The following POFUT1 variants were observed in gnomAD, a reference collection of about 807,000 sequenced individuals.
POFUT1 encodes the protein GDP-fucose protein O-fucosyltransferase 1.
POFUT1 carries 16 observed loss-of-function variants against 42.4 expected under a neutral mutation model. That is an observed-to-expected ratio of 0.38 (90% CI 0.26 to 0.57). The LOEUF (loss-of-function observed/expected upper bound fraction) is 0.57, where lower values mean the gene tolerates loss of function less well. Among genes scored for constraint, POFUT1 ranks in the 20% least tolerant of loss-of-function variants. The pLI is 0.71. For synonymous variants in POFUT1, 206 were observed against 205.4 expected, an observed-to-expected ratio of 1.00 and a Z score of -0.03; for missense variants, 470 against 504.6, an observed-to-expected ratio of 0.93 and a Z score of 0.66.
At chr20:32,217,716 G>A (rs958598351) in intron 4 of POFUT1, 7 of 985,364 alleles carry the variant, frequency 7.1e-6, no homozygotes, top group Non-Finnish European at 8.4e-6. Context: ...GCCAGCCAGT[G>A]TTGGCTGTCA....
intron 4 of POFUT1, among the ~76,000 whole-genome samples, chr20:32,227,078 C>T (rs1267443909): frequency 1.3e-5 from 2 of 152,126 alleles, no homozygotes; most frequent in Non-Finnish European, 2.9e-5. Context: ...AAGGCACTTC[C>T]CCCCTCCAGC....
At chr20:32,218,538 A>G (rs967065149) in intron 4 of POFUT1, among the ~76,000 whole-genome samples, 2 of 152,232 alleles carry the variant, frequency 1.3e-5, no homozygotes, top group African/African-American at 4.8e-5. Flanking sequence ...CTTTGGACCT[A>G]GTTCATGTGC....
chr20:32,223,498 G>C (rs1441534467), intron 4 of POFUT1: 2 of 985,274 alleles, frequency 2.0e-6, no homozygotes, highest in Non-Finnish European at 2.4e-6. Flanking sequence ...AAGAGGTCGG[G>C]GGGTGGCAGG....
intron 4 of POFUT1, chr20:32,223,857 A>C (rs2047402050): frequency 4.7e-6 from 1 of 212,062 alleles, no homozygotes; most frequent in Non-Finnish European, 8.1e-6. Flanking sequence ...AGAACATAGG[A>C]TCTGGAGCAC....
intron 4 of POFUT1, chr20:32,222,806 A>G (rs527387015): frequency 3.8e-5 from 37 of 985,448 alleles, no homozygotes; most frequent in African/African-American, 2.1e-4. Flanking sequence ...TTGGAAGGCA[A>G]TGCACCATCG....
chr20:32,230,081 A>G (rs1357555790), intron 5 of POFUT1, among the ~76,000 whole-genome samples: 1 of 150,920 alleles, frequency 6.6e-6, no homozygotes, highest in Non-Finnish European at 1.5e-5. Context: ...CCTGGTCCTC[A>G]GTGTTTTCTT....
At chr20:32,211,797 C>T (rs2047330541) in intron 2 of POFUT1, among the ~76,000 whole-genome samples, 1 of 152,214 alleles carries the variant, frequency 6.6e-6, no homozygotes, top group African/African-American at 2.4e-5. Flanking sequence ...CTTTCTCTCA[C>T]CTGACCTCCC....
intron 4 of POFUT1, chr20:32,223,804 C>A: frequency 1.8e-6 from 1 of 567,912 alleles, no homozygotes; most frequent in Non-Finnish European, 2.2e-6. Flanking sequence ...AGACTCAGCT[C>A]ATTGTCAAGG....
intron 2 of POFUT1, among the ~76,000 whole-genome samples, chr20:32,214,453 A>G (rs2047347943): frequency 6.6e-6 from 1 of 152,034 alleles, no homozygotes; most frequent in African/African-American, 2.4e-5. Context: ...TCTATTAGAT[A>G]CTCACCGATT....
chr20:32,217,714 G>C, intron 4 of POFUT1: 1 of 985,458 alleles, frequency 1.0e-6, no homozygotes, highest in Non-Finnish European at 1.2e-6. Flanking sequence ...CAGCCAGCCA[G>C]TGTTGGCTGT....
chr20:32,221,009 CG>C, intron 4 of POFUT1, among the ~76,000 whole-genome samples: 1 of 152,194 alleles, frequency 6.6e-6, no homozygotes, highest in South Asian at 2.1e-4. Flanking sequence ...TCACTTCTGT[CG>C]GGTGCTATTG....
rs752465904 is a variant in POFUT1, at chr20:32,208,055, C to T, written c.114C>T (p.Cys38=). The change falls in exon 1 of 7, where the codon TGC becomes TGT. Residue 38 remains cysteine, a synonymous_variant. Coordinates refer to ENST00000375749, the MANE Select transcript of POFUT1 (RefSeq NM_015352.2). ...SWDPAGYLLY[C]PCMGRFGNQA... is the part of the protein sequence containing the mutation. ...ACCCGGCCGGTTACCTGCTCTACTG[C>T]CCCTGCATGGGTAAGGCCTCCCAAG... is the stretch of plus-strand genomic sequence containing the variant. 7.1e-6 allele frequency: 11 copies of T among 1,558,926 alleles called. No homozygotes were observed. Among genetic ancestry groups the T allele is most frequent in the Non-Finnish European group, 5.2e-6 (6 of 1,156,322 alleles).
chr20:32,230,778 G>A, intron 5 of POFUT1, 41 bp from the exon 6 acceptor site: 1 of 1,600,732 alleles, frequency 6.2e-7, no homozygotes, highest in Non-Finnish European at 8.5e-7. Flanking sequence ...GGGGTTCCAG[G>A]GCAGTTGCCA....
Position 32,228,400 on chromosome 20 carries a change from A to C in POFUT1, c.680A>C (p.His227Pro). ...GTGAAGACGGGAGAGGCCCAGATTC[A>C]TGCCCACCTTGTCCGGCCCTATGTG... ...EMVKTGEAQI[H>P]AHLVRPYVGI... Residue 227 changes from histidine (H) to proline (P), a missense_variant, in exon 5 of 7, where the codon CAT becomes CCT. Physicochemically the swap from His to Pro is moderately conservative, Grantham distance 77. Transcript: ENST00000375749. 6.2e-7 allele frequency: 1 copy of C among 1,614,174 alleles called. No individual in the cohort carries two copies. The highest frequency in any genetic ancestry group is 8.5e-7 in the Non-Finnish European group (1 of 1,179,994).
chr20:32,210,461 A>T (rs1308383353), intron 2 of POFUT1, among the ~76,000 whole-genome samples: 1 of 152,246 alleles, frequency 6.6e-6, no homozygotes. Flanking sequence ...CTTGCCCAAG[A>T]TCACACAGCC....
At chr20:32,208,126 C>A (rs2047303761) in intron 1 of POFUT1, 61 bp downstream of exon 1, 13 of 1,481,154 alleles carry the variant, frequency 8.8e-6, no homozygotes, top group Non-Finnish European at 1.2e-5. Flanking sequence ...GGAAAAGCCA[C>A]TCCTCAGATG....
intron 4 of POFUT1, among the ~76,000 whole-genome samples, chr20:32,218,519 TG>T (rs1186728535): frequency 6.6e-6 from 1 of 152,242 alleles, no homozygotes; most frequent in African/African-American, 2.4e-5. Context: ...GACTTGCCTT[TG>T]GACCTAGCTT....
At chr20:32,219,590 G>A (rs946357114) in intron 4 of POFUT1, among the ~76,000 whole-genome samples, 5 of 147,274 alleles carry the variant, frequency 3.4e-5, no homozygotes, top group East Asian at 2.0e-4. Context: ...TCCACCTCCC[G>A]GGTTCATGCC....
Position 32,238,270 on chromosome 20 carries a change from CA to C in POFUT1, c.*3610del, listed in dbSNP as rs2047483482. 6.0e-6 allele frequency: 1 copy of C among 165,454 alleles called. No homozygotes were observed. Among genetic ancestry groups the C allele is most frequent in the Non-Finnish European group, 1.3e-5 (1 of 75,462 alleles). 10.2% of individuals were successfully genotyped at this position (165,454 alleles called of 1,614,324 possible). A position where few individuals can be genotyped will look rare whatever the true frequency, so the allele number is the denominator to read the frequency against. ...ATAATAATAGCCAGGCGTGGTGGCA[CA>C]TGCCTGTATTCCCAGCTGCTTGGGA... On this transcript the variant is annotated 3_prime_UTR_variant, in exon 7 of 7. Transcript: ENST00000375749.
Sources: allele counts gnomAD v4.1 joint callset (sites outside exome capture counted in the v4.1 genomes callset), GRCh38; gene constraint gnomAD v4.1.1; transcripts MANE v1.5; gene names NCBI Gene and HGNC (gene_info 2026-07-23, HGNC 2026-07-21).